Variants in HOOK1 observed in about 807,000 individuals in gnomAD.
HOOK1 encodes the protein hook microtubule tethering protein 1, also known as protein Hook homolog 1.
A neutral mutation model predicts 112.8 loss-of-function variants in HOOK1; 60 were observed. The ratio of observed to expected loss-of-function variants is 0.53; its 90% confidence interval spans 0.43 to 0.66. HOOK1 has a LOEUF of 0.66. Among genes scored for constraint, HOOK1 ranks in the 30% least tolerant of loss-of-function variants. The pLI, the probability that HOOK1 is intolerant of heterozygous loss-of-function variation, is 0.00. For synonymous variants in HOOK1, 294 were observed against 283.8 expected, an observed-to-expected ratio of 1.04 and a Z score of -0.36; for missense variants, 770 against 856.0, an observed-to-expected ratio of 0.90 and a Z score of 1.25.
intron 12 of HOOK1, among the ~76,000 whole-genome samples, chr1:59,853,521 G>A (rs912033780): frequency 2.6e-5 from 4 of 151,588 alleles, no homozygotes; most frequent in African/African-American, 9.7e-5. Context: ...GCATTTACTT[G>A]GATCATTTTT....
At chr1:59,857,347 G>A (rs138592935) in intron 12 of HOOK1, among the ~76,000 whole-genome samples, 2 of 152,278 alleles carry the variant, frequency 1.3e-5, no homozygotes, top group East Asian at 1.9e-4. Context: ...CTGGGGAGAC[G>A]GGAATCATAG....
intron 8 of HOOK1, among the ~76,000 whole-genome samples, chr1:59,841,623 A>T (rs1473071870): frequency 6.6e-6 from 1 of 152,100 alleles, no homozygotes; most frequent in Non-Finnish European, 1.5e-5. Context: ...CATGCAAAGT[A>T]CCTGAAATGT....
At position 59,846,576 on chromosome 1, in the gene HOOK1, T is replaced by TCCC. The variant is rs1559053177; in HGVS notation, c.789-469_789-468insCCC. Among the ~76,000 whole-genome samples, 316 of 85,214 alleles carry TCCC rather than the reference T, an allele frequency of 3.7e-3. 21 individuals carry two copies. The highest frequency in any genetic ancestry group is 0.013 in the African/African-American group (254 of 20,050). The allele number at this position is 85,214 out of a possible 152,430, so 55.9% of individuals were successfully genotyped here. On this transcript the variant is annotated intron_variant, in intron 9 of 21. Coordinates refer to ENST00000371208, the MANE Select transcript of HOOK1 (RefSeq NM_015888.6). The stretch of plus-strand genomic sequence containing the variant: ...CTTCCTTCCTTCCTTCCTTCCTTCC[T>TCCC]TCCTTCCTTCCTCCCTCCTCCCTCC...
rs60936378 is a variant in HOOK1 at position 59,819,138 on chromosome 1, A to ATT, written c.64-2692_64-2691dup. 6.5e-3 allele frequency among the ~76,000 whole-genome samples: 496 copies of ATT among 76,566 alleles called. 59 individuals are homozygous for ATT. The highest frequency in any genetic ancestry group is 0.022 in the Middle Eastern group (3 of 134). The allele number at this position is 76,566 out of a possible 152,430, so 50.2% of individuals were successfully genotyped here. ...TTTGACCTCACTCGCCCCAATAAGC[A>ATT]TTTTTTTTTTTTTTTTTTTTTTTTT... is the stretch of plus-strand genomic sequence containing the variant. On this transcript the variant is annotated intron_variant, in intron 1 of 21. Transcript: ENST00000371208.
chr1:59,851,250 A>G (rs918302865), intron 12 of HOOK1, among the ~76,000 whole-genome samples: 1 of 151,654 alleles, frequency 6.6e-6, no homozygotes, highest in Non-Finnish European at 1.5e-5. Flanking sequence ...TTCTTGATCT[A>G]TAGATTAATT....
chr1:59,860,455 T>A, intron 15 of HOOK1, 127 bp downstream of exon 15: 2 of 779,226 alleles, frequency 2.6e-6, no homozygotes, highest in Non-Finnish European at 1.9e-6. Flanking sequence ...TAGTTTAATA[T>A]TTTTGTTAGT....
intron 15 of HOOK1, among the ~76,000 whole-genome samples, chr1:59,860,876 C>T (rs1238113924): frequency 6.6e-6 from 1 of 151,688 alleles, no homozygotes; most frequent in South Asian, 2.1e-4. Flanking sequence ...CGGGTTCAAG[C>T]GATTCTCCTG....
intron 2 of HOOK1, among the ~76,000 whole-genome samples, chr1:59,822,551 C>T (rs1279289689): frequency 3.9e-5 from 6 of 152,110 alleles, no homozygotes; most frequent in Non-Finnish European, 8.8e-5. Context: ...TTTCTAAATC[C>T]ATTTTTCCCC....
chr1:59,819,477 C>G (rs950548665), intron 1 of HOOK1, among the ~76,000 whole-genome samples: 2 of 152,152 alleles, frequency 1.3e-5, no homozygotes, highest in African/African-American at 2.4e-5. Context: ...AATTAATTCA[C>G]TCTTCTTGGT....
intron 9 of HOOK1, among the ~76,000 whole-genome samples, chr1:59,844,401 T>C (rs1466767758): frequency 6.6e-6 from 1 of 151,968 alleles, no homozygotes; most frequent in Non-Finnish European, 1.5e-5. Context: ...TGAAAAATGA[T>C]ATAACCATTA....
At chr1:59,862,056 T>C (rs1032026520) in intron 15 of HOOK1, among the ~76,000 whole-genome samples, 2 of 152,196 alleles carry the variant, frequency 1.3e-5, no homozygotes, top group African/African-American at 4.8e-5. Flanking sequence ...CATATTACTA[T>C]CTTATTCAGT....
chr1:59,863,708 G>A, intron 16 of HOOK1: 1 of 208,386 alleles, frequency 4.8e-6, no homozygotes, highest in Non-Finnish European at 8.4e-6. Flanking sequence ...TGATGGGGGA[G>A]GAAACTTTGC....
chr1:59,838,265 G>A (rs1239313332), intron 7 of HOOK1, among the ~76,000 whole-genome samples: 2 of 152,096 alleles, frequency 1.3e-5, no homozygotes, highest in African/African-American at 2.4e-5. Flanking sequence ...TTGAGGAATC[G>A]CCACACTGTC....
chr1:59,831,003 C>T (rs545027424), intron 3 of HOOK1, among the ~76,000 whole-genome samples: 25 of 151,294 alleles, frequency 1.7e-4, no homozygotes, highest in Admixed American at 5.9e-4. Context: ...GAGGTTCAAG[C>T]GATTCTTCTG....
chr1:59,834,683 T>C (rs1440874262), intron 5 of HOOK1, among the ~76,000 whole-genome samples: 16 of 152,116 alleles, frequency 1.1e-4, no homozygotes, highest in Non-Finnish European at 7.4e-5. Flanking sequence ...ATTATTTTTA[T>C]TTTTTCATTG....
intron 7 of HOOK1, among the ~76,000 whole-genome samples, chr1:59,838,870 T>C (rs2102028945): frequency 6.6e-6 from 1 of 152,344 alleles, no homozygotes; most frequent in East Asian, 1.9e-4. Flanking sequence ...GAGTTGATTT[T>C]TGTATAAGAT....
rs376413564 is a variant in HOOK1 at position 59,847,179 on chromosome 1, T to A, written c.923T>A (p.Val308Asp). 5.0e-6 allele frequency: 8 copies of A among 1,600,800 alleles called. No homozygotes were observed. Among genetic ancestry groups the A allele is most frequent in the Non-Finnish European group, 6.8e-6 (8 of 1,174,744 alleles). The stretch of plus-strand genomic sequence containing the variant: ...AGAGCCCTGAAAGATGAAATAGATG[T>A]TCTTAGGTATGGCATGTCTTAAAAA... ...ETRALKDEID[V>D]LRATSDKANK... The change falls in exon 10 of 22, where the codon GTT becomes GAT. Residue 308 changes from valine to aspartate, a missense_variant. Val to Asp is a radical substitution (Grantham distance 152, BLOSUM62 -3). Around this residue, in one of 3 missense-constraint regions of HOOK1, gnomAD observed 655 missense variants for 725.9 expected, o/e 0.90. Transcript: ENST00000371208.
chr1:59,844,643 A>C (rs2098402704), intron 9 of HOOK1, among the ~76,000 whole-genome samples: 1 of 151,916 alleles, frequency 6.6e-6, no homozygotes, highest in South Asian at 2.1e-4. Flanking sequence ...CCTTTTCAGG[A>C]TTATGATTTG....
Position 59,873,725 on chromosome 1 carries a change from C to CTATATATATATA in HOOK1, c.*789_*800dup, listed in dbSNP as rs58867974. ...AGGTGACTTTCTGATGGAAAGCAAG[C>CTATATATATATA]TATATATATATATATATATATATAT... On this transcript the variant is annotated 3_prime_UTR_variant, in exon 22 of 22. Transcript: ENST00000371208. 41 of 56,222 alleles carry CTATATATATATA rather than the reference C, an allele frequency of 7.3e-4. 1 individual carries two copies. The highest frequency in any genetic ancestry group is 8.1e-4 in the African/African-American group (12 of 14,822). The allele number at this position is 56,222 out of a possible 1,614,324, so 3.5% of individuals were successfully genotyped here.
Sources: gnomAD v4.1 joint callset for allele counts (sites outside exome capture counted in the v4.1 genomes callset) on GRCh38, gnomAD v4.1.1 for gene constraint, gnomAD v4.1.1 regional missense constraint, MANE v1.5 for transcripts, NCBI Gene and HGNC (gene_info 2026-07-23, HGNC 2026-07-21) for gene names.